Variants in ZNF283 observed in about 807,000 individuals in gnomAD.
ZNF283 encodes zinc finger protein 41.
In ZNF283, 10 loss-of-function variants were observed where a neutral mutation model predicts 9.2. The ratio of observed to expected loss-of-function variants is 1.09; its 90% CI spans 0.67 to 1.85. The LOEUF is 1.85. Among genes scored for constraint, ZNF283 ranks in the 40% most tolerant of loss-of-function variants. The probability of loss-of-function intolerance (pLI) is 0.00; values close to 1 mark genes in which losing one functional copy is unlikely to be tolerated. For missense variants in ZNF283, 631 were observed against 760.1 expected (o/e 0.83, Z 2.00); for synonymous variants, 234 against 244.1 (o/e 0.96, Z 0.38).
At chr19:43,845,283 A>G (rs549694364) in intron 6 of ZNF283, among the ~76,000 whole-genome samples, 3 of 152,312 alleles carry the variant, frequency 2.0e-5, no homozygotes, top group African/African-American at 7.2e-5. Context: ...GATTGTTTCT[A>G]GTATCTTTTG....
intron 2 of ZNF283, among the ~76,000 whole-genome samples, chr19:43,829,221 TA>T (rs1970597766): frequency 6.6e-6 from 1 of 151,986 alleles, no homozygotes; most frequent in Admixed American, 6.6e-5. Flanking sequence ...CCGTCTCCAC[TA>T]AAAATACAAA....
In ZNF283 at chr19:43,849,808, T is replaced by C. The variant is rs955853019; in HGVS notation, c.*1167T>C. On this transcript the variant is annotated 3_prime_UTR_variant, in exon 7 of 7. Transcript: ENST00000618787. ...AGAGATTAGATGGATTTAGTATGCA[T>C]CATATCCTTGGAAGAGTATCTGGTA... 2.0e-5 allele frequency: 3 copies of C among 152,236 alleles called. No individual in the cohort carries two copies. Among genetic ancestry groups the C allele is most frequent in the Non-Finnish European group, 4.4e-5 (3 of 68,040 alleles). 9.4% of individuals were successfully genotyped at this position (152,236 alleles called of 1,614,324 possible). A position where few individuals can be genotyped will look rare whatever the true frequency, so the allele number is the denominator to read the frequency against.
intron 2 of ZNF283, among the ~76,000 whole-genome samples, chr19:43,828,715 G>A (rs1970578410): frequency 6.6e-6 from 1 of 152,058 alleles, no homozygotes; most frequent in Non-Finnish European, 1.5e-5. Context: ...GAGTGCAGTA[G>A]TATAGTCATA....
At chr19:43,838,929 A>T (rs954044103) in intron 6 of ZNF283, among the ~76,000 whole-genome samples, 2 of 152,222 alleles carry the variant, frequency 1.3e-5, no homozygotes, top group South Asian at 2.1e-4. Context: ...GGTTACTTTC[A>T]CACAGATTTA....
intron 6 of ZNF283, chr19:43,840,802 C>T (rs1971176053): frequency 6.6e-6 from 1 of 152,048 alleles, no homozygotes; most frequent in African/African-American, 2.4e-5. Context: ...TCTCCTGCCT[C>T]AGCCTCCTGA....
At position 43,848,617 on chromosome 19, in the gene ZNF283, A is replaced by C; in HGVS notation, c.2016A>C (p.Lys672Asn). 1 of 1,568,430 alleles carries C rather than the reference A, an allele frequency of 6.4e-7. No individual in the cohort carries two copies. The highest frequency in any genetic ancestry group is 8.7e-7 in the Non-Finnish European group (1 of 1,155,276). Residue 672 changes from lysine to asparagine, a missense_variant, in exon 7 of 7, where the codon AAA becomes AAC. Transcript: ENST00000618787. ...TGTGGACAACTTACTCAAATGAGAA[A>C]ATTGATACTGATGAAACCTTATGAT... ...AFLWTTYSNEKIDTDETL is the reference protein window; with the variant it reads ...AFLWTTYSNENIDTDETL
At chr19:43,845,891 A>T (rs1282956601) in intron 6 of ZNF283, among the ~76,000 whole-genome samples, 1 of 152,114 alleles carries the variant, frequency 6.6e-6, no homozygotes, top group Non-Finnish European at 1.5e-5. Flanking sequence ...CTTTATTTTC[A>T]ATTTTAAAAT....
rs751346470 is a variant in ZNF283, at chr19:43,847,708, T to C, written c.1107T>C (p.His369=). The C allele has an allele frequency of 1.2e-6, 2 of 1,613,422 alleles. No individual in the cohort carries two copies. The highest frequency in any genetic ancestry group is 2.2e-5 in the East Asian group (1 of 44,832). Residue 369 remains histidine (H), a synonymous_variant, in exon 7 of 7, where the codon CAT becomes CAC. Transcript: ENST00000618787. ...GYQLTQHQKI[H]TGKKPYECKI... is the part of the protein sequence containing the mutation. ...AGCTTACTCAGCATCAGAAAATCCA[T>C]ACTGGTAAGAAACCTTATGAATGTA... is the stretch of plus-strand genomic sequence containing the variant.
chr19:43,848,510 ACT>A lies in ZNF283; in HGVS notation c.1910_1911del (p.Thr637MetfsTer8), dbSNP rs758959264. 5 of 1,613,462 alleles carry A rather than the reference ACT, an allele frequency of 3.1e-6. No homozygotes were observed. Among genetic ancestry groups the A allele is most frequent in the Non-Finnish European group, 4.2e-6 (5 of 1,179,470 alleles). ...YQRKEFGKTF[T>X]CGSKLVHERT... ...ACGTAAGGAATTCGGGAAGACCTTT[ACT>A]TGTGGCTCAAAACTTGTTCATGAGA... On this transcript the variant is annotated frameshift_variant, in exon 7 of 7. Transcript: ENST00000618787. LOFTEE classifies it low-confidence loss of function (END_TRUNC).
At chr19:43,845,300 A>G (rs1441313739) in intron 6 of ZNF283, among the ~76,000 whole-genome samples, 1 of 152,172 alleles carries the variant, frequency 6.6e-6, no homozygotes, top group Non-Finnish European at 1.5e-5. Context: ...TTTGTAAGCG[A>G]AAGAGCAAAT....
At chr19:43,829,443 T>G (rs149262031) in intron 2 of ZNF283, among the ~76,000 whole-genome samples, 403 of 152,272 alleles carry the variant, frequency 2.6e-3, no homozygotes, top group African/African-American at 9.0e-3. Context: ...TGAATTCAAA[T>G]CCTGGCTCTG....
chr19:43,846,877 G>GTT (rs72062467), intron 6 of ZNF283, 62 bp from the exon 7 acceptor site: 4,082 of 834,616 alleles, frequency 4.9e-3, no homozygotes, highest in East Asian at 0.011. Context: ...TTCTACTGTA[G>GTT]TTTTTTTTTT....
At chr19:43,844,255 G>T (rs1264538642) in intron 6 of ZNF283, among the ~76,000 whole-genome samples, 1 of 146,106 alleles carries the variant, frequency 6.8e-6, no homozygotes, top group Non-Finnish European at 1.5e-5. Context: ...AAGTCTTTTG[G>T]GTCCTCAATG....
rs1971561150 is a variant in ZNF283 at position 43,850,006 on chromosome 19, G to C, written c.*1365G>C. 1 of 152,092 alleles carries C rather than the reference G, an allele frequency of 6.6e-6. No homozygotes were observed. The highest frequency in any genetic ancestry group is 6.5e-5 in the Admixed American group (1 of 15,276). 9.4% of individuals were successfully genotyped at this position (152,092 alleles called of 1,614,324 possible). On this transcript the variant is annotated 3_prime_UTR_variant, in exon 7 of 7. Transcript: ENST00000618787. ...GATAGTTCATTCTGGATAAGATCTA[G>C]TACAGTATAAAGAATTTGAGGGGAT...
intron 4 of ZNF283, among the ~76,000 whole-genome samples, chr19:43,834,979 A>G (rs558048651): frequency 6.6e-6 from 1 of 152,232 alleles, no homozygotes; most frequent in Non-Finnish European, 1.5e-5. Context: ...ATATATATGT[A>G]TTTTATAAAT....
At chr19:43,844,012 C>T (rs1051761825) in intron 6 of ZNF283, among the ~76,000 whole-genome samples, 2 of 152,108 alleles carry the variant, frequency 1.3e-5, no homozygotes, top group Non-Finnish European at 2.9e-5. Context: ...AGATTGAATG[C>T]AGAAGCAGAT....
chr19:43,846,076 G>A (rs562145601), intron 6 of ZNF283, among the ~76,000 whole-genome samples: 1 of 152,010 alleles, frequency 6.6e-6, no homozygotes, highest in African/African-American at 2.4e-5. Context: ...TATCTTCTTA[G>A]GAACTTTTTA....
Position 43,849,543 on chromosome 19 carries a change from C to T in ZNF283, c.*902C>T, listed in dbSNP as rs1971548514. ...CTGTAACAGCATAAGATAATTTATA[C>T]CAGATATGTTAAATGTGCAGAAGCC... On this transcript the variant is annotated 3_prime_UTR_variant, in exon 7 of 7. Transcript: ENST00000618787. 1 of 152,156 alleles carries T rather than the reference C, an allele frequency of 6.6e-6. No individual in the cohort carries two copies. Among genetic ancestry groups the T allele is most frequent in the African/African-American group, 2.4e-5 (1 of 41,420 alleles). The allele number at this position is 152,156 out of a possible 1,614,324, so 9.4% of individuals were successfully genotyped here.
intron 4 of ZNF283, among the ~76,000 whole-genome samples, chr19:43,834,359 ATATTATTCCATTAG>A (rs1367279235): frequency 2.6e-5 from 4 of 152,004 alleles, no homozygotes; most frequent in Non-Finnish European, 5.9e-5. Flanking sequence ...CATTTCATTA[ATATTATTCCATTAG>A]TATTATTCCA....
Sources: gnomAD v4.1 joint callset for allele counts (sites outside exome capture counted in the v4.1 genomes callset) on GRCh38, gnomAD v4.1.1 for gene constraint, MANE v1.5 for transcripts, NCBI Gene and HGNC (gene_info 2026-07-23, HGNC 2026-07-21) for gene names.